The following LRRC4C variants were observed in gnomAD, a reference collection of about 807,000 sequenced individuals.
LRRC4C encodes the protein leucine-rich repeat-containing protein 4C.
Under a neutral mutation model 33.6 loss-of-function variants are expected in LRRC4C, and 5 were observed. The observed-to-expected ratio is 0.15, with a 90% CI of 0.08 to 0.31. LRRC4C has a LOEUF of 0.31. Ranked by LOEUF, LRRC4C falls within the 10% of genes least tolerant of loss-of-function variation. LRRC4C has a pLI of 1.00. For synonymous variants in LRRC4C, 329 were observed against 302.0 expected, an observed-to-expected ratio of 1.09 and a Z score of -0.93; for missense variants, 560 against 796.7, an observed-to-expected ratio of 0.70 and a Z score of 3.58.
At chr11:41,096,456 T>G (rs1379264414) in intron 1 of LRRC4C, among the ~76,000 whole-genome samples, 1 of 152,216 alleles carries the variant, frequency 6.6e-6, no homozygotes, top group Non-Finnish European at 1.5e-5. Flanking sequence ...AGTCAGACTT[T>G]AATCAGCAGC....
At chr11:41,258,826 A>G (rs1185955534) in intron 1 of LRRC4C, among the ~76,000 whole-genome samples, 1 of 152,040 alleles carries the variant, frequency 6.6e-6, no homozygotes, top group African/African-American at 2.4e-5. Context: ...ATGCCCTGAT[A>G]TTAGACAATG....
chr11:41,094,463 A>G (rs1590547917), intron 1 of LRRC4C, among the ~76,000 whole-genome samples: 1 of 151,218 alleles, frequency 6.6e-6, no homozygotes, highest in Admixed American at 6.6e-5. Context: ...GGCGGAGCTT[A>G]CAGTGAGCCG....
intron 2 of LRRC4C, among the ~76,000 whole-genome samples, chr11:40,819,479 T>G (rs900754309): frequency 7.2e-5 from 11 of 152,176 alleles, no homozygotes; most frequent in East Asian, 3.9e-4. Context: ...TTTGTTGTAG[T>G]TGATGTTGGC....
chr11:40,308,790 T>C (rs1192042831), intron 4 of LRRC4C, among the ~76,000 whole-genome samples: 10 of 152,158 alleles, frequency 6.6e-5, no homozygotes, highest in African/African-American at 2.4e-4. Context: ...GTGACGGAAG[T>C]AGAGCTATGA....
intron 1 of LRRC4C, among the ~76,000 whole-genome samples, chr11:41,049,506 T>C (rs557641532): frequency 1.3e-5 from 2 of 152,304 alleles, no homozygotes; most frequent in South Asian, 2.1e-4. Flanking sequence ...ATTTCATTGA[T>C]GTTTATATTG....
At chr11:40,606,547 C>T (rs1040941431) in intron 3 of LRRC4C, among the ~76,000 whole-genome samples, 1 of 151,518 alleles carries the variant, frequency 6.6e-6, no homozygotes, top group Non-Finnish European at 1.5e-5. Context: ...TCAAGAAAAA[C>T]AATTCCCAGA....
At chr11:41,262,587 A>G (rs1949018631) in intron 1 of LRRC4C, among the ~76,000 whole-genome samples, 1 of 152,152 alleles carries the variant, frequency 6.6e-6, no homozygotes, top group Non-Finnish European at 1.5e-5. Flanking sequence ...CCAGGATAAC[A>G]AAATGGTTGC....
At chr11:40,124,986 A>T (rs1318790510) in intron 6 of LRRC4C, among the ~76,000 whole-genome samples, 7 of 150,904 alleles carry the variant, frequency 4.6e-5, no homozygotes, top group East Asian at 3.9e-4. Flanking sequence ...TATATATATA[A>T]ATAAATTCTA....
intron 1 of LRRC4C, among the ~76,000 whole-genome samples, chr11:41,225,649 AT>A (rs377351841): frequency 1.3e-4 from 19 of 151,668 alleles, no homozygotes; most frequent in East Asian, 1.9e-4. Flanking sequence ...ATTTATATAT[AT>A]TTTTTTGTTT....
chr11:40,193,607 T>C (rs550902742), intron 5 of LRRC4C, among the ~76,000 whole-genome samples: 2 of 152,154 alleles, frequency 1.3e-5, no homozygotes, highest in South Asian at 4.1e-4. Context: ...AGAATGAGTA[T>C]GACTAATTGA....
At chr11:40,578,661 C>T (rs1267288761) in intron 3 of LRRC4C, among the ~76,000 whole-genome samples, 1 of 152,134 alleles carries the variant, frequency 6.6e-6, no homozygotes, top group Non-Finnish European at 1.5e-5. Flanking sequence ...CTAACTGGAA[C>T]ACAGACCATT....
At chr11:41,019,189 C>G (rs1855792103) in intron 1 of LRRC4C, among the ~76,000 whole-genome samples, 1 of 152,006 alleles carries the variant, frequency 6.6e-6, no homozygotes, top group African/African-American at 2.4e-5. Context: ...CACCCCGCAA[C>G]AGGCCACAGT....
At position 40,996,666 on chromosome 11, in the gene LRRC4C, G is replaced by A. The variant is rs1289855262; in HGVS notation, c.-495-62943C>T. Reference sequence around the variant, plus strand: ...TATTTGGCTCATGGTTCTGCAGAGTGTACAAGAAGCATGGTGCCAGCATCT... The same window carrying A: ...TATTTGGCTCATGGTTCTGCAGAGTATACAAGAAGCATGGTGCCAGCATCT... On this transcript the variant is annotated intron_variant, in intron 1 of 6. Coordinates refer to ENST00000528697, the MANE Select transcript of LRRC4C (RefSeq NM_001258419.2). 2.6e-5 allele frequency among the ~76,000 whole-genome samples: 4 copies of A among 152,108 alleles called. No homozygotes were observed. The East Asian group carries it at 7.7e-4, about 29-fold the overall frequency.
chr11:40,705,735 C>G (rs1318597881), intron 2 of LRRC4C, among the ~76,000 whole-genome samples: 1 of 151,990 alleles, frequency 6.6e-6, no homozygotes, highest in Non-Finnish European at 1.5e-5. Flanking sequence ...AATGGGATCA[C>G]TGGACAAATG....
intron 2 of LRRC4C, among the ~76,000 whole-genome samples, chr11:40,806,022 T>G (rs551094980): frequency 1.3e-5 from 2 of 152,162 alleles, no homozygotes; most frequent in Non-Finnish European, 2.9e-5. Flanking sequence ...GCCCCTAATG[T>G]CCCACCCAGC....
chr11:40,550,063 G>T lies in LRRC4C; in HGVS notation c.-270+98079C>A, dbSNP rs117260012. On this transcript the variant is annotated intron_variant, in intron 3 of 6. Transcript: ENST00000528697. The stretch of plus-strand genomic sequence containing the variant: ...ATGTCTCCCTAAGACACCTAGAACT[G>T]TAATTTAATAATAATGACATGCCTA... 1.7e-3 allele frequency among the ~76,000 whole-genome samples: 255 copies of T among 152,130 alleles called. 1 individual carries two copies. In the East Asian group the frequency reaches 0.025, roughly 15 times the overall value.
intron 1 of LRRC4C, among the ~76,000 whole-genome samples, chr11:41,333,495 G>A (rs1388796205): frequency 6.6e-6 from 1 of 152,142 alleles, no homozygotes; most frequent in Non-Finnish European, 1.5e-5. Flanking sequence ...ATTCATTTAT[G>A]TAATTTATGC....
At chr11:40,339,304 A>C (rs1302932920) in intron 3 of LRRC4C, among the ~76,000 whole-genome samples, 2 of 152,188 alleles carry the variant, frequency 1.3e-5, no homozygotes, top group African/African-American at 4.8e-5. Context: ...TTTCCACAAT[A>C]TAATAAAAAT....
In LRRC4C at chr11:40,663,244, C is replaced by A. The variant is rs185808717; in HGVS notation, c.-406-14966G>T. ...TACAGGCGTGCACCACCATGCCTGG[C>A]TAATTTTTGTATTTTTTTAGTAGAG... On this transcript the variant is annotated intron_variant, in intron 2 of 6. Transcript: ENST00000528697. Among the ~76,000 whole-genome samples the A allele has an allele frequency of 2.6e-3, 399 of 151,624 alleles. 1 individual carries two copies. The highest frequency in any genetic ancestry group is 4.1e-3 in the Non-Finnish European group (281 of 67,952).
Sources: gnomAD v4.1 joint callset for allele counts (sites outside exome capture counted in the v4.1 genomes callset) on GRCh38, gnomAD v4.1.1 for gene constraint, MANE v1.5 for transcripts, NCBI Gene and HGNC (gene_info 2026-07-23, HGNC 2026-07-21) for gene names.